USP54: variants seen among roughly 807,000 people sequenced by gnomAD.
USP54 encodes ubiquitin specific peptidase 54.
In USP54, 87 loss-of-function variants were observed where a neutral mutation model predicts 170.5. That is an observed-to-expected ratio of 0.51 (90% CI 0.43 to 0.61). The LOEUF is 0.61. Among genes scored for constraint, USP54 ranks in the 20% least tolerant of loss-of-function variants. The pLI is 0.00. For missense variants in USP54, 1,786 were observed against 2,047.8 expected (o/e 0.87, Z 2.47); for synonymous variants, 655 against 742.8 (o/e 0.88, Z 1.92).
At chr10:73,603,765 A>C (rs76032319) in intron 1 of USP54, among the ~76,000 whole-genome samples, 5,522 of 151,822 alleles carry the variant, frequency 0.036, 162 homozygotes, top group South Asian at 0.13. Flanking sequence ...AAAACAACAA[A>C]AAAAAAAACT....
chr10:73,549,910 G>A (rs1171801371), intron 4 of USP54, among the ~76,000 whole-genome samples: 4 of 152,232 alleles, frequency 2.6e-5, no homozygotes, highest in East Asian at 1.9e-4. Context: ...TCTGGCCTAC[G>A]ATTCCACTTC....
rs757198370 is a variant in USP54, at chr10:73,505,002, C to A, written c.4171-12G>T. 2.5e-6 allele frequency: 4 copies of A among 1,614,146 alleles called. No individual in the cohort carries two copies. Among genetic ancestry groups the A allele is most frequent in the Non-Finnish European group, 3.4e-6 (4 of 1,180,022 alleles). On this transcript the variant is annotated splice_polypyrimidine_tract_variant and intron_variant, in intron 21 of 23. Transcript: ENST00000687698. ...CGGCAAGGTGTAGCCTTCAAACACA[C>A]AGACACATACAGGCAGACACATAAT...
Position 73,579,747 on chromosome 10 carries a change from A to G in USP54, c.-581-3386T>C, listed in dbSNP as rs992850358. Among the ~76,000 whole-genome samples the G allele has an allele frequency of 2.6e-5, 4 of 151,552 alleles. No individual in the cohort carries two copies. In the East Asian group the frequency reaches 5.8e-4, roughly 22 times the overall value. ...ACTCCAGCCTGGATGACACGGCAAGACTCCATCTCAAAAAAACAACAACAA... is the reference window on the plus strand; with the variant it reads ...ACTCCAGCCTGGATGACACGGCAAGGCTCCATCTCAAAAAAACAACAACAA... On this transcript the variant is annotated intron_variant, in intron 1 of 23. Transcript: ENST00000687698.
chr10:73,511,854 T>C (rs1289055790), intron 20 of USP54, among the ~76,000 whole-genome samples: 1 of 151,116 alleles, frequency 6.6e-6, no homozygotes, highest in Admixed American at 6.6e-5. Flanking sequence ...GCAATTCTCC[T>C]GCCTCAGCCT....
In USP54 at chr10:73,526,704, G is replaced by A. The variant is rs1235657594; in HGVS notation, c.2137C>T (p.Leu713=). 4.3e-6 allele frequency: 7 copies of A among 1,614,178 alleles called. No homozygotes were observed. The highest frequency in any genetic ancestry group is 1.3e-5 in the African/African-American group (1 of 75,062). Residue 713 remains leucine, a synonymous_variant, in exon 16 of 24, where the codon CTG becomes TTG. Coordinates refer to ENST00000687698, the MANE Select transcript of USP54 (RefSeq NM_001391956.1). ...HIPKSHSSSI[L]EVDSTASMGG... ...ATGGATGCTGTGGAGTCTACCTCCA[G>A]GATGCTACTGCTGTGCGACTTTGGG... is the stretch of plus-strand genomic sequence containing the variant.
chr10:73,548,804 A>G (rs2068515031), intron 4 of USP54, among the ~76,000 whole-genome samples: 2 of 152,308 alleles, frequency 1.3e-5, no homozygotes, highest in South Asian at 4.1e-4. Flanking sequence ...GGTGCAGCAA[A>G]CCAACACATG....
intron 1 of USP54, among the ~76,000 whole-genome samples, chr10:73,578,700 A>G (rs1354081428): frequency 2.0e-5 from 3 of 152,056 alleles, no homozygotes; most frequent in Non-Finnish European, 4.4e-5. Flanking sequence ...CACCGCACCC[A>G]GCCAGTCAAT....
intron 1 of USP54, among the ~76,000 whole-genome samples, chr10:73,624,794 TGA>T (rs1368436853): frequency 6.6e-6 from 1 of 152,226 alleles, no homozygotes; most frequent in Non-Finnish European, 1.5e-5. Flanking sequence ...TTTTAACTCC[TGA>T]GAGACATCTT....
At chr10:73,552,278 C>T (rs577586260) in intron 4 of USP54, among the ~76,000 whole-genome samples, 6 of 152,154 alleles carry the variant, frequency 3.9e-5, no homozygotes, top group African/African-American at 1.2e-4. Context: ...CCGGGCGTTG[C>T]GGTGAGCGCC....
At chr10:73,566,641 G>T (rs2073893595) in intron 4 of USP54, among the ~76,000 whole-genome samples, 1 of 151,780 alleles carries the variant, frequency 6.6e-6, no homozygotes, top group South Asian at 2.1e-4. Context: ...TGAGGCAGGA[G>T]AATCACTTGA....
upstream of USP54, among the ~76,000 whole-genome samples, chr10:73,592,181 C>T (rs1346555176): frequency 6.6e-6 from 1 of 151,834 alleles, no homozygotes; most frequent in Non-Finnish European, 1.5e-5. Flanking sequence ...GACCAACACA[C>T]ACCCTTCTAT....
In USP54 at chr10:73,516,362, G is replaced by C. The variant is rs369829381; in HGVS notation, c.4051+13C>G. 4.8e-4 allele frequency: 766 copies of C among 1,593,218 alleles called. No homozygotes were observed. The highest frequency in any genetic ancestry group is 6.3e-4 in the Non-Finnish European group (738 of 1,170,828). ...TCCTCCCCCCTCCCCCCAACCCCTG[G>C]TTGCATTCTTACCTGTTTGGCTAAG... is the stretch of plus-strand genomic sequence containing the variant. On this transcript the variant is annotated intron_variant, in intron 20 of 23. Coordinates refer to ENST00000687698, the MANE Select transcript of USP54 (RefSeq NM_001391956.1).
At chr10:73,590,436 A>G (rs1337598727) in intron 1 of USP54, among the ~76,000 whole-genome samples, 1 of 152,212 alleles carries the variant, frequency 6.6e-6, no homozygotes, top group Non-Finnish European at 1.5e-5. Context: ...GGGAGAATCC[A>G]AAGCTCATCA....
chr10:73,546,430 T>C (rs542657784), intron 4 of USP54: 1 of 152,272 alleles, frequency 6.6e-6, no homozygotes, highest in East Asian at 1.9e-4. Context: ...TGGCTCACTG[T>C]AGCCTCAACC....
At chr10:73,551,621 G>A in intron 4 of USP54, among the ~76,000 whole-genome samples, 1 of 152,208 alleles carries the variant, frequency 6.6e-6, no homozygotes, top group East Asian at 1.9e-4. Flanking sequence ...TTTGTTGAAA[G>A]AAGGTCAACC....
intron 7 of USP54, chr10:73,541,945 C>A: frequency 1.7e-6 from 1 of 578,538 alleles, no homozygotes; most frequent in Non-Finnish European, 3.1e-6. Context: ...CACTCCTCCT[C>A]CCACTTTGCT....
At chr10:73,598,775 CTGGGCG>C (rs1036630410) in intron 1 of USP54, among the ~76,000 whole-genome samples, 3 of 152,172 alleles carry the variant, frequency 2.0e-5, no homozygotes, top group Non-Finnish European at 2.9e-5. Context: ...TAAAAATTAG[CTGGGCG>C]TGGCAGCGTG....
chr10:73,510,564 C>T lies in USP54; in HGVS notation c.4052-5138G>A, dbSNP rs573149379. On this transcript the variant is annotated intron_variant, in intron 20 of 23. Transcript: ENST00000687698. The stretch of plus-strand genomic sequence containing the variant: ...GGTTCAGGTGATTCTCCTGCCTCAG[C>T]CTCCTGAGTAGCTAGGTTTACAGGC... Among the ~76,000 whole-genome samples the T allele has an allele frequency of 3.5e-3, 525 of 150,812 alleles. 3 individuals are homozygous for T. Among genetic ancestry groups the T allele is most frequent in the African/African-American group, 0.012 (503 of 41,086 alleles).
chr10:73,619,087 C>G (rs2080882482), intron 1 of USP54, among the ~76,000 whole-genome samples: 1 of 150,078 alleles, frequency 6.7e-6, no homozygotes, highest in South Asian at 2.1e-4. Flanking sequence ...GTGGGGCGTG[C>G]CTGTAGTCCC....
Sources: gnomAD v4.1 joint callset for allele counts (sites outside exome capture counted in the v4.1 genomes callset) on GRCh38, gnomAD v4.1.1 for gene constraint, MANE v1.5 for transcripts, NCBI Gene and HGNC (gene_info 2026-07-23, HGNC 2026-07-21) for gene names.